DOCK10: variants seen among roughly 807,000 people sequenced by gnomAD.
DOCK10 encodes the protein dedicator of cytokinesis 10, also known as dedicator of cytokinesis protein 10.
A neutral mutation model predicts 280.1 loss-of-function variants in DOCK10; 145 were observed. That is an observed-to-expected ratio of 0.52 (90% CI 0.45 to 0.59). DOCK10 has a LOEUF of 0.59. DOCK10 is among the 20% of genes least tolerant of loss of function. DOCK10 has a pLI of 0.00. For missense variants in DOCK10, 2,368 were observed against 2,651.7 expected (o/e 0.89, Z 2.35); for synonymous variants, 915 against 942.2 (o/e 0.97, Z 0.53).
intron 1 of DOCK10, among the ~76,000 whole-genome samples, chr2:225,038,676 A>G (rs552419864): frequency 5.8e-4 from 89 of 152,320 alleles, no homozygotes; most frequent in African/African-American, 2.1e-3. Context: ...AGGAGTTGCA[A>G]AGGAGTTTTT....
At chr2:224,884,142 T>C (rs1699137936) in intron 7 of DOCK10, among the ~76,000 whole-genome samples, 1 of 152,222 alleles carries the variant, frequency 6.6e-6, no homozygotes, top group East Asian at 1.9e-4. Context: ...AATGCAATTA[T>C]CTTTCACTTG....
At position 224,894,456 on chromosome 2, in the gene DOCK10, A is replaced by T. The variant is rs1410657811; in HGVS notation, c.416+1839T>A. Among the ~76,000 whole-genome samples the T allele has an allele frequency of 3.3e-5, 5 of 152,342 alleles. No homozygotes were observed. The South Asian group carries it at 1.0e-3, about 32-fold the overall frequency. ...GCTGTCTCCATCCTCTCAACTTGAGATGCAGTCTCCCAACTTCCGAGTTGT... is the reference window on the plus strand; with the variant it reads ...GCTGTCTCCATCCTCTCAACTTGAGTTGCAGTCTCCCAACTTCCGAGTTGT... On this transcript the variant is annotated intron_variant, in intron 4 of 55. Transcript: ENST00000258390.
chr2:224,875,832 T>G (rs1349367815), intron 8 of DOCK10, among the ~76,000 whole-genome samples: 1 of 152,162 alleles, frequency 6.6e-6, no homozygotes, highest in Non-Finnish European at 1.5e-5. Flanking sequence ...CCTCAGATCG[T>G]TGCCAGTTGA....
At chr2:224,994,787 C>A (rs987462063) in intron 1 of DOCK10, among the ~76,000 whole-genome samples, 1 of 152,222 alleles carries the variant, frequency 6.6e-6, no homozygotes. Context: ...CACACACTTA[C>A]ACACACAATG....
chr2:224,888,962 G>A (rs1461629214), intron 4 of DOCK10, among the ~76,000 whole-genome samples: 1 of 152,114 alleles, frequency 6.6e-6, no homozygotes, highest in African/African-American at 2.4e-5. Context: ...TGATATGGAT[G>A]GACCTGGAGG....
intron 29 of DOCK10, among the ~76,000 whole-genome samples, chr2:224,816,958 C>T (rs537044993): frequency 1.3e-4 from 20 of 152,176 alleles, no homozygotes; most frequent in Non-Finnish European, 2.5e-4. Context: ...CTACATGTAG[C>T]TTCTATGAGA....
At chr2:224,879,047 T>G (rs1698814755) in intron 7 of DOCK10, among the ~76,000 whole-genome samples, 3 of 152,158 alleles carry the variant, frequency 2.0e-5, no homozygotes, top group Non-Finnish European at 4.4e-5. Context: ...GTACAAATGT[T>G]TTGAAAAAGA....
At chr2:224,867,777 C>G (rs1698026561) in intron 11 of DOCK10, among the ~76,000 whole-genome samples, 1 of 152,058 alleles carries the variant, frequency 6.6e-6, no homozygotes, top group Non-Finnish European at 1.5e-5. Context: ...GAAGTATGAC[C>G]AAAGAGCTTG....
chr2:224,853,190 T>G, intron 16 of DOCK10, 68 bp from the exon 17 acceptor site: 1 of 1,334,636 alleles, frequency 7.5e-7, no homozygotes, highest in Admixed American at 2.4e-5. Context: ...ATAGTTAACA[T>G]GTTTTAAAAT....
chr2:224,793,550 A>G (rs1236423276), intron 45 of DOCK10, 93 bp from the exon 46 acceptor site: 5 of 959,044 alleles, frequency 5.2e-6, no homozygotes, highest in African/African-American at 3.3e-5. Context: ...CCATATCAGA[A>G]TATGTTAGAA....
intron 1 of DOCK10, among the ~76,000 whole-genome samples, chr2:224,990,435 G>T (rs1304655008): frequency 1.3e-5 from 2 of 152,152 alleles, no homozygotes; most frequent in Non-Finnish European, 2.9e-5. Context: ...TTCAATGAAT[G>T]AATATTAATG....
rs775881219 is a variant in DOCK10, at chr2:224,770,414, G to C, written c.6306-65C>G. ...GGAAGTGGCATTGAGCTCAGTGACT[G>C]TGAGTTCAGAGTCAGGCTGCTGATG... is the stretch of plus-strand genomic sequence containing the variant. On this transcript the variant is annotated intron_variant, in intron 54 of 55. Coordinates refer to ENST00000258390, the MANE Select transcript of DOCK10 (RefSeq NM_014689.3). This position sits in a 1 kb window ranked among gnomAD's most constrained non-coding sequence, Gnocchi z 4.5. 2.6e-6 allele frequency: 4 copies of C among 1,557,286 alleles called. No individual in the cohort carries two copies.
At position 224,916,782 on chromosome 2, in the gene DOCK10, T is replaced by G; in HGVS notation, c.246A>C (p.Ala82=). 6.2e-7 allele frequency: 1 copy of G among 1,607,714 alleles called. No homozygotes were observed. Among genetic ancestry groups the G allele is most frequent in the Non-Finnish European group, 8.5e-7 (1 of 1,176,764 alleles). The change falls in exon 3 of 56, where the codon GCA becomes GCC. Residue 82 remains alanine (A), a splice_region_variant and synonymous_variant. Coordinates refer to ENST00000258390, the MANE Select transcript of DOCK10 (RefSeq NM_014689.3). ...TGCGGATATCCCAGGAAACTGTGGC[T>G]GCCTGAAACGAACAATGAAAAGAAA... ...LLFFPSDDFS[A]ATVSWDIRTL...
chr2:224,858,521 G>T (rs1252219158), intron 14 of DOCK10, among the ~76,000 whole-genome samples: 1 of 152,190 alleles, frequency 6.6e-6, no homozygotes, highest in Non-Finnish European at 1.5e-5. Context: ...GCCGGGCATG[G>T]TGGCATGCAC....
At chr2:224,895,853 ATATATATATG>A (rs200452581) in intron 4 of DOCK10, among the ~76,000 whole-genome samples, 3,676 of 144,256 alleles carry the variant, frequency 0.025, 147 homozygotes, top group African/African-American at 0.097. Flanking sequence ...ATATATATAT[ATATATATATG>A]TCTTTTGTGG....
At chr2:224,884,648 A>C (rs1377863227) in intron 7 of DOCK10, among the ~76,000 whole-genome samples, 1 of 152,192 alleles carries the variant, frequency 6.6e-6, no homozygotes, top group Non-Finnish European at 1.5e-5. Context: ...TTGAAGACCA[A>C]GAGCTTATAG....
At chr2:224,870,260 G>A (rs1010270995) in intron 11 of DOCK10, among the ~76,000 whole-genome samples, 28 of 152,074 alleles carry the variant, frequency 1.8e-4, no homozygotes, top group Non-Finnish European at 2.6e-4. Flanking sequence ...GTTTCTTGAG[G>A]CCTCACCAGT....
At chr2:224,796,450 C>T in intron 43 of DOCK10, 24 bp from the exon 44 acceptor site, 1 of 1,443,304 alleles carries the variant, frequency 6.9e-7, no homozygotes, top group Non-Finnish European at 9.5e-7. Flanking sequence ...AAAATGAACT[C>T]TCAAAAACAA....
At chr2:224,823,378 C>T in intron 28 of DOCK10, 123 bp downstream of exon 28, 1 of 782,266 alleles carries the variant, frequency 1.3e-6, no homozygotes, top group Non-Finnish European at 1.8e-6. Flanking sequence ...TGAAAGTTTT[C>T]ATCTGACAGT....
Sources: gnomAD v4.1 joint callset for allele counts (sites outside exome capture counted in the v4.1 genomes callset) on GRCh38, gnomAD v4.1.1 for gene constraint, Gnocchi (gnomAD v3.1) non-coding constraint, MANE v1.5 for transcripts, NCBI Gene and HGNC (gene_info 2026-07-23, HGNC 2026-07-21) for gene names.